Variants in UPRT observed in about 807,000 individuals in gnomAD.
UPRT encodes the protein RP11-311P8.3.
In UPRT, 5 loss-of-function variants were observed where a neutral mutation model predicts 22.6. The ratio of observed to expected loss-of-function variants is 0.22; its 90% confidence interval spans 0.12 to 0.47. The LOEUF is 0.47. Among genes scored for constraint, UPRT ranks in the 20% least tolerant of loss-of-function variants. UPRT has a pLI of 0.99. For missense variants in UPRT, 181 were observed against 239.9 expected (o/e 0.75, Z 1.62); for synonymous variants, 77 against 87.7 (o/e 0.88, Z 0.68).
intron 4 of UPRT, among the ~76,000 whole-genome samples, chrX:75,185,630 C>T (rs1175520897): frequency 3.1e-4 from 35 of 111,643 alleles, no homozygotes; most frequent in East Asian, 2.8e-4. Context: ...GGTAGAATTC[C>T]GCTGTGAATC....
intron 4 of UPRT, among the ~76,000 whole-genome samples, chrX:75,245,415 A>G (rs746909390): frequency 3.6e-5 from 4 of 111,778 alleles, no homozygotes; most frequent in Non-Finnish European, 7.5e-5. Context: ...AACAATTACC[A>G]TTTGACCCAG....
intron 4 of UPRT, among the ~76,000 whole-genome samples, chrX:75,194,718 G>A (rs2082327716): frequency 9.0e-6 from 1 of 111,292 alleles, no homozygotes; most frequent in African/African-American, 3.3e-5. Flanking sequence ...GGGTGGGTCT[G>A]ATGGTCTCCG....
chrX:75,204,083 C>G (rs754224979), intron 4 of UPRT, among the ~76,000 whole-genome samples: 1 of 109,421 alleles, frequency 9.1e-6, no homozygotes, highest in East Asian at 2.9e-4. Flanking sequence ...CAATGTGTTT[C>G]TGGGTGGTTG....
At chrX:75,196,707 C>T (rs1236724828) in intron 4 of UPRT, among the ~76,000 whole-genome samples, 3 of 111,333 alleles carry the variant, frequency 2.7e-5, no homozygotes, top group Non-Finnish European at 5.7e-5. Flanking sequence ...ATTAGCTGGG[C>T]ACAGTGGCAC....
intron 4 of UPRT, among the ~76,000 whole-genome samples, chrX:75,199,871 G>A (rs769312296): frequency 3.6e-5 from 4 of 112,101 alleles, no homozygotes; most frequent in African/African-American, 1.3e-4. Context: ...GTGTAAAAGC[G>A]TTCCTATTTC....
At position 75,300,875 on chromosome X, in the gene UPRT, A is replaced by C; in HGVS notation, c.733A>C (p.Asn245His). Residue 245 changes from asparagine to histidine, a missense_variant, in exon 6 of 7, where the codon AAT (asparagine) becomes CAT (histidine). Coordinates refer to ENST00000373383, the MANE Select transcript of UPRT (RefSeq NM_145052.4). ...LLMYPILSTG[N>H]TVIEAVKVLI... is the part of the protein sequence containing the mutation. ...TTATCTTTTGATTTCAGGCACTGGA[A>C]ATACTGTAATTGAAGCTGTAAAGGT... 1 of 1,201,496 alleles carries C rather than the reference A, an allele frequency of 8.3e-7. No individual in the cohort carries two copies. Among genetic ancestry groups the C allele is most frequent in the Non-Finnish European group, 1.1e-6 (1 of 889,637 alleles).
At chrX:75,294,737 T>TA in intron 2 of UPRT, 3 of 380,610 alleles carry the variant, frequency 7.9e-6, no homozygotes, top group African/African-American at 5.4e-5. Context: ...GAGCAATAGT[T>TA]ACGTCATTCT....
chrX:75,252,720 C>T (rs1199409971), intron 4 of UPRT, among the ~76,000 whole-genome samples: 2 of 112,199 alleles, frequency 1.8e-5, no homozygotes, highest in Non-Finnish European at 3.8e-5. Flanking sequence ...ATAAATCATG[C>T]TGCTATAAAG....
chrX:75,236,500 G>A lies in UPRT; in HGVS notation c.-446-54524G>A, dbSNP rs976476099. 5.4e-5 allele frequency among the ~76,000 whole-genome samples: 6 copies of A among 111,456 alleles called. No individual in the cohort carries two copies. The South Asian group carries it at 1.9e-3, about 35-fold the overall frequency. ...GAGCCCGCATTGCCAAGTCAATCCT[G>A]AGCCAAAAGAACAAAGCTGGAGGTA... is the stretch of plus-strand genomic sequence containing the variant. On this transcript the variant is annotated intron_variant, in intron 4 of 13. Transcript: ENST00000652605.
intron 4 of UPRT, among the ~76,000 whole-genome samples, chrX:75,232,484 G>T (rs1367650983): frequency 8.9e-6 from 1 of 112,821 alleles, no homozygotes; most frequent in African/African-American, 3.2e-5. Flanking sequence ...ACCTCTGGGG[G>T]CAGGGCACAA....
In UPRT at chrX:75,303,386, A is replaced by T; in HGVS notation, c.824-19A>T. The T allele has an allele frequency of 8.6e-7, 1 of 1,165,498 alleles. No homozygotes were observed. The highest frequency in any genetic ancestry group is 1.2e-6 in the Non-Finnish European group (1 of 859,616). On this transcript the variant is annotated intron_variant, in intron 6 of 6. Coordinates refer to ENST00000373383, the MANE Select transcript of UPRT (RefSeq NM_145052.4). ...TGTTACCAAAACATCCTACCATAAT[A>T]ACTTTTGTTTTTTTGAAGGTGCCAA... is the stretch of plus-strand genomic sequence containing the variant.
chrX:75,189,997 T>C (rs1231340262), intron 4 of UPRT, among the ~76,000 whole-genome samples: 1 of 112,138 alleles, frequency 8.9e-6, no homozygotes, highest in African/African-American at 3.2e-5. Flanking sequence ...AATATTGTTA[T>C]GTGTGCATTG....
chrX:75,244,036 G>T (rs1021856520), intron 4 of UPRT, among the ~76,000 whole-genome samples: 1 of 111,257 alleles, frequency 9.0e-6, no homozygotes. Context: ...ACAATTCTAG[G>T]TTGCAATTCT....
chrX:75,170,402 C>T (rs1157122822), intron 4 of UPRT, among the ~76,000 whole-genome samples: 2 of 111,461 alleles, frequency 1.8e-5, no homozygotes, highest in Non-Finnish European at 3.8e-5. Context: ...TACTCCAGCT[C>T]GCTTTTGGTG....
chrX:75,278,569 T>C (rs2082641129), intron 1 of UPRT, among the ~76,000 whole-genome samples: 1 of 112,128 alleles, frequency 8.9e-6, no homozygotes, highest in Admixed American at 9.5e-5. Context: ...GTAATGTGCT[T>C]TTCCTGTGAA....
chrX:75,165,891 C>T (rs907544924), intron 3 of UPRT, among the ~76,000 whole-genome samples: 2 of 111,255 alleles, frequency 1.8e-5, no homozygotes, highest in African/African-American at 6.5e-5. Context: ...GGGTGAGCCA[C>T]TGCACCTGAC....
At chrX:75,167,395 T>C (rs1048394246) in intron 3 of UPRT, among the ~76,000 whole-genome samples, 1 of 111,961 alleles carries the variant, frequency 8.9e-6, no homozygotes, top group African/African-American at 3.2e-5. Flanking sequence ...AAGTTGTATG[T>C]AAAGCATGAA....
intron 4 of UPRT, among the ~76,000 whole-genome samples, chrX:75,178,932 G>A (rs2082259608): frequency 8.9e-6 from 1 of 111,848 alleles, no homozygotes; most frequent in Admixed American, 9.4e-5. Context: ...CCTGCTGATT[G>A]GTAGAGCCAA....
At chrX:75,295,822 T>C (rs1374234505) in intron 2 of UPRT, among the ~76,000 whole-genome samples, 2 of 111,931 alleles carry the variant, frequency 1.8e-5, no homozygotes, top group African/African-American at 6.5e-5. Context: ...TGCATTTTAC[T>C]GGATCCTCCT....
Sources: allele counts gnomAD v4.1 joint callset (sites outside exome capture counted in the v4.1 genomes callset), GRCh38; gene constraint gnomAD v4.1.1; transcripts MANE v1.5; gene names NCBI Gene and HGNC (gene_info 2026-07-23, HGNC 2026-07-21).